The following ADARB2 variants were observed in gnomAD, a reference collection of about 807,000 sequenced individuals.
ADARB2 encodes the protein inactive double-stranded RNA-specific editase B2.
A neutral mutation model predicts 62.2 loss-of-function variants in ADARB2; 25 were observed. The ratio of observed to expected loss-of-function variants is 0.40; its 90% CI spans 0.29 to 0.56. The LOEUF (loss-of-function observed/expected upper bound fraction) is 0.56. ADARB2 is among the 20% of genes least tolerant of loss of function. The pLI is 0.43. For missense variants in ADARB2, 1,071 were observed against 1,077.4 expected (o/e 0.99, Z 0.08); for synonymous variants, 572 against 500.8 (o/e 1.14, Z -1.90).
intron 4 of ADARB2, among the ~76,000 whole-genome samples, chr10:1,247,230 C>T (rs1830994300): frequency 6.6e-6 from 1 of 152,196 alleles, no homozygotes; most frequent in African/African-American, 2.4e-5. Context: ...AGATTTTGGG[C>T]TGAGACAATG....
chr10:1,444,281 A>ACATCCATCCATCCATC lies in ADARB2; in HGVS notation c.101-65137_101-65122dup, dbSNP rs200737452. Reference sequence around the variant, plus strand: ...ACCATCCATCTATTTCCATCTATCTACATCCATCCATCCATCCATCCATCC... The same window carrying ACATCCATCCATCCATC: ...ACCATCCATCTATTTCCATCTATCTACATCCATCCATCCATCCATCCATCCATCCATCCATCCATCC... On this transcript the variant is annotated intron_variant, in intron 1 of 9. Coordinates refer to ENST00000381312, the MANE Select transcript of ADARB2 (RefSeq NM_018702.4). 7.5e-3 allele frequency among the ~76,000 whole-genome samples: 887 copies of ACATCCATCCATCCATC among 117,634 alleles called. 9 individuals are homozygous for ACATCCATCCATCCATC. Among genetic ancestry groups the ACATCCATCCATCCATC allele is most frequent in the African/African-American group, 0.02 (465 of 23,176 alleles). The allele number at this position is 117,634 out of a possible 152,430, so 77.2% of individuals were successfully genotyped here.
chr10:1,263,674 G>A (rs1465546628), intron 4 of ADARB2, among the ~76,000 whole-genome samples: 1 of 152,176 alleles, frequency 6.6e-6, no homozygotes, highest in African/African-American at 2.4e-5. Context: ...CATTTCTCAT[G>A]TATTTCCATC....
chr10:1,483,213 T>C (rs951053484), intron 1 of ADARB2, among the ~76,000 whole-genome samples: 1 of 152,246 alleles, frequency 6.6e-6, no homozygotes, highest in Non-Finnish European at 1.5e-5. Flanking sequence ...ATTCAAATGA[T>C]GCTAAAAGTA....
At chr10:1,592,511 TCGCCCAAGC>T (rs1833273205) in intron 1 of ADARB2, among the ~76,000 whole-genome samples, 1 of 18,064 alleles carries the variant, frequency 5.5e-5, no homozygotes, top group African/African-American at 1.6e-4. Flanking sequence ...CCAGCTTCCC[TCGCCCAAGC>T]CACCCTCCAT....
intron 1 of ADARB2, chr10:1,678,452 G>T: frequency 5.0e-6 from 3 of 600,298 alleles, no homozygotes; most frequent in Non-Finnish European, 6.3e-6. Flanking sequence ...CGAACACAGG[G>T]TCACACTCAA....
intron 1 of ADARB2, among the ~76,000 whole-genome samples, chr10:1,602,245 C>T (rs1194267702): frequency 6.6e-6 from 1 of 152,160 alleles, no homozygotes; most frequent in African/African-American, 2.4e-5. Flanking sequence ...GGTGGTCAGG[C>T]CAGTAGGGTG....
intron 1 of ADARB2, among the ~76,000 whole-genome samples, chr10:1,593,929 G>A (rs1431590157): frequency 6.6e-6 from 1 of 152,148 alleles, no homozygotes; most frequent in East Asian, 1.9e-4. Context: ...ATGGGATTCG[G>A]AGAGCTGCAG....
intron 1 of ADARB2, among the ~76,000 whole-genome samples, chr10:1,526,308 T>A (rs1280731523): frequency 6.6e-6 from 1 of 152,018 alleles, no homozygotes; most frequent in Admixed American, 6.5e-5. Context: ...TCCCTAGTCT[T>A]GTAGAGGAGG....
intron 1 of ADARB2, among the ~76,000 whole-genome samples, chr10:1,661,256 C>T (rs546313129): frequency 5.9e-5 from 9 of 152,282 alleles, no homozygotes; most frequent in South Asian, 2.1e-4. Context: ...GCCCTGTCCC[C>T]GTCGTCACTT....
At chr10:1,721,809 T>C (rs61832026) in intron 1 of ADARB2, among the ~76,000 whole-genome samples, 35,527 of 151,906 alleles carry the variant, frequency 0.23, 4,551 homozygotes, top group Admixed American at 0.33. Context: ...CAGCCCTTGG[T>C]CAGTGCTCCT....
rs368823921 is a variant in ADARB2 at position 1,706,515 on chromosome 10, C to A, written c.100+30536G>T. On this transcript the variant is annotated intron_variant, in intron 1 of 9. Coordinates refer to ENST00000381312, the MANE Select transcript of ADARB2 (RefSeq NM_018702.4). ...ACATTTTGTGCTGCAGTGATTTCTT[C>A]TTCTCAAGGCAACAAATCCAAATGG... Among the ~76,000 whole-genome samples the A allele has an allele frequency of 7.2e-4, 110 of 152,352 alleles. 1 individual carries two copies. Among genetic ancestry groups the A allele is most frequent in the African/African-American group, 2.6e-3 (107 of 41,586 alleles).
rs1253551982 is a variant in ADARB2, at chr10:1,290,167, G to C, written c.1078-19098C>G. ...CGAGGCTGAGTCTCTCTTGGTGCCT[G>C]AGGCTTTGCAAGGTCAGGAGCTGAC... On this transcript the variant is annotated intron_variant, in intron 3 of 9. Coordinates refer to ENST00000381312, the MANE Select transcript of ADARB2 (RefSeq NM_018702.4). The C allele has an allele frequency of 4.6e-5, 7 of 152,210 alleles. No homozygotes were observed. In the South Asian group the frequency reaches 1.2e-3, roughly 27 times the overall value. The allele number at this position is 152,210 out of a possible 1,614,324, so 9.4% of individuals were successfully genotyped here. A position where few individuals can be genotyped will look rare whatever the true frequency, so the allele number is the denominator to read the frequency against.
intron 3 of ADARB2, among the ~76,000 whole-genome samples, chr10:1,324,587 C>G (rs1481566990): frequency 1.3e-5 from 2 of 152,156 alleles, no homozygotes; most frequent in East Asian, 1.9e-4. Context: ...AATGCAAGAC[C>G]TGGATGAGTG....
chr10:1,530,364 G>T (rs184001744), intron 1 of ADARB2, among the ~76,000 whole-genome samples: 1 of 152,128 alleles, frequency 6.6e-6, no homozygotes, highest in South Asian at 2.1e-4. Flanking sequence ...AAACACTTGC[G>T]TCCTGGGTTT....
chr10:1,615,423 A>G (rs1191132985), intron 1 of ADARB2, among the ~76,000 whole-genome samples: 1 of 152,210 alleles, frequency 6.6e-6, no homozygotes, highest in Non-Finnish European at 1.5e-5. Context: ...TGCCATCGCC[A>G]GTTACCCACC....
At position 1,470,006 on chromosome 10, in the gene ADARB2, G is replaced by A. The variant is rs115796181; in HGVS notation, c.101-90846C>T. On this transcript the variant is annotated intron_variant, in intron 1 of 9. Transcript: ENST00000381312. Reference sequence around the variant, plus strand: ...ATGAGGCCGGCGTGCCTGGGAGCCCGGGTAGGCTGGACTTTGTCAAGGGAA... The same window carrying A: ...ATGAGGCCGGCGTGCCTGGGAGCCCAGGTAGGCTGGACTTTGTCAAGGGAA... Among the ~76,000 whole-genome samples, 1,506 of 151,822 alleles carry A rather than the reference G, an allele frequency of 9.9e-3. 18 individuals carry two copies. The highest frequency in any genetic ancestry group is 0.034 in the African/African-American group (1,423 of 41,498).
intron 1 of ADARB2, among the ~76,000 whole-genome samples, chr10:1,587,226 CA>C (rs1833192611): frequency 6.6e-6 from 1 of 152,068 alleles, no homozygotes; most frequent in South Asian, 2.1e-4. Context: ...AACAACAAAA[CA>C]AAACAAAAAG....
Position 1,363,677 on chromosome 10 carries a change from C to A in ADARB2, c.428G>T (p.Arg143Leu). 6.2e-7 allele frequency: 1 copy of A among 1,611,130 alleles called. No individual in the cohort carries two copies. Among genetic ancestry groups the A allele is most frequent in the Non-Finnish European group, 8.5e-7 (1 of 1,179,026 alleles). The change falls in exon 3 of 10, where the codon CGG becomes CTG. Residue 143 changes from arginine (R) to leucine (L), a missense_variant. By Grantham distance (102) the Arg-to-Leu change is moderately radical (BLOSUM62 -2). Coordinates refer to ENST00000381312, the MANE Select transcript of ADARB2 (RefSeq NM_018702.4). ...CACCGGGCCCGTCTGCGACACTGTCCGGTACTGCAGGCCCGGCCTCAGCTC... is the reference window on the plus strand; with the variant it reads ...CACCGGGCCCGTCTGCGACACTGTCAGGTACTGCAGGCCCGGCCTCAGCTC... Reference protein sequence around the residue: ...LHELRPGLQYRTVSQTGPVHA... With the variant: ...LHELRPGLQYLTVSQTGPVHA...
Position 1,431,686 on chromosome 10 carries a change from A to G in ADARB2, c.101-52526T>C, listed in dbSNP as rs565044143. Among the ~76,000 whole-genome samples, 9 of 152,332 alleles carry G rather than the reference A, an allele frequency of 5.9e-5. 1 individual carries two copies. In the South Asian group the frequency reaches 1.2e-3, roughly 21 times the overall value. ...TGAAACTAGTTCTTCCAAAAAATCTATAAAACTAAAAAATGTCTTGCAAGA... is the reference window on the plus strand; with the variant it reads ...TGAAACTAGTTCTTCCAAAAAATCTGTAAAACTAAAAAATGTCTTGCAAGA... On this transcript the variant is annotated intron_variant, in intron 1 of 9. Coordinates refer to ENST00000381312, the MANE Select transcript of ADARB2 (RefSeq NM_018702.4).
Sources: gnomAD v4.1 joint callset for allele counts (sites outside exome capture counted in the v4.1 genomes callset) on GRCh38, gnomAD v4.1.1 for gene constraint, MANE v1.5 for transcripts, NCBI Gene and HGNC (gene_info 2026-07-23, HGNC 2026-07-21) for gene names.